Variants in SPDL1 observed in about 807,000 individuals in gnomAD.
The protein encoded by SPDL1 is protein Spindly.
A neutral mutation model predicts 79.5 loss-of-function variants in SPDL1; 85 were observed. The observed-to-expected ratio is 1.07, with a 90% CI of 0.90 to 1.28. SPDL1 has a LOEUF of 1.28. Ranked by LOEUF, SPDL1 falls within the 50% of genes most tolerant of loss-of-function variation. The pLI is 0.00. For missense variants in SPDL1, 703 were observed against 697.8 expected (o/e 1.01, Z -0.08); for synonymous variants, 269 against 240.3 (o/e 1.12, Z -1.10).
chr5:169,598,538 C>CTA lies in SPDL1; in HGVS notation c.1097_1098dup (p.Tyr367IlefsTer8). 1 of 1,612,938 alleles carries CTA rather than the reference C, an allele frequency of 6.2e-7. No individual in the cohort carries two copies. Among genetic ancestry groups the CTA allele is most frequent in the Non-Finnish European group, 8.5e-7 (1 of 1,179,162 alleles). ...ACTCTGGTACTCTGGAAGATAACAC[C>CTA]TATTATACAGATTTACTTCAGATGA... On this transcript the variant is annotated frameshift_variant, in exon 9 of 12. Coordinates refer to ENST00000265295, the MANE Select transcript of SPDL1 (RefSeq NM_017785.5). LOFTEE classifies it high-confidence loss of function.
Position 169,591,102 on chromosome 5 carries a change from A to G in SPDL1, c.214A>G (p.Met72Val), listed in dbSNP as rs1755257277. Residue 72 changes from methionine to valine, a missense_variant, in exon 3 of 12, where the codon ATG (methionine) becomes GTG (valine). Met to Val is a conservative substitution (Grantham distance 21). Transcript: ENST00000265295. ...AAGAGAAGTTGAACTCAAGAGTCGA[A>G]TGTTAGAAAGTTTGAGCTGCGAATG... ...LQREVELKSR[M>V]LESLSCECEA... 3.1e-6 allele frequency: 5 copies of G among 1,614,068 alleles called. No homozygotes were observed. The highest frequency in any genetic ancestry group is 4.2e-6 in the Non-Finnish European group (5 of 1,179,984).
intron 8 of SPDL1, among the ~76,000 whole-genome samples, chr5:169,597,232 T>TTGTGTGTGTGTGTG (rs56336716): frequency 1.7e-4 from 25 of 149,206 alleles, no homozygotes; most frequent in African/African-American, 6.2e-4. Context: ...GTGTAAGCAT[T>TTGTGTGTGTGTGTG]TGTGTGTGTG....
chr5:169,596,374 G>A (rs1004563082), intron 7 of SPDL1, among the ~76,000 whole-genome samples, 187 bp from the exon 8 acceptor site: 2 of 152,110 alleles, frequency 1.3e-5, no homozygotes, highest in East Asian at 1.9e-4. Context: ...TCATTCATAA[G>A]TAGTCAAAAT....
At chr5:169,596,796 C>A in intron 8 of SPDL1, 95 bp downstream of exon 8, 1 of 1,045,564 alleles carries the variant, frequency 9.6e-7, no homozygotes, top group Non-Finnish European at 1.4e-6. Flanking sequence ...TAATAAATAT[C>A]TTGTGGGAGA....
intron 3 of SPDL1, 89 bp downstream of exon 3, chr5:169,591,313 C>A: frequency 7.3e-7 from 1 of 1,376,808 alleles, no homozygotes; most frequent in South Asian, 1.5e-5. Flanking sequence ...TCTTAAGTGT[C>A]AGCTTTGCAA....
rs568119516 is a variant in SPDL1 at position 169,596,722 on chromosome 5, AAC to A, written c.1032+27_1032+28del. ...TTAAGGTATGTATAACAGTTAAAAA[AAC>A]ACACATCCAAATTTTGATTTGAATA... On this transcript the variant is annotated intron_variant, in intron 8 of 11. Coordinates refer to ENST00000265295, the MANE Select transcript of SPDL1 (RefSeq NM_017785.5). 4.6e-5 allele frequency: 71 copies of A among 1,541,812 alleles called. No homozygotes were observed. The East Asian group carries it at 1.5e-3, about 33-fold the overall frequency.
chr5:169,603,527 G>C (rs6895489), intron 11 of SPDL1, among the ~76,000 whole-genome samples: 98,995 of 151,914 alleles, frequency 0.65, 32,560 homozygotes, highest in East Asian at 0.73. Context: ...TTAATTTAGG[G>C]CTTGCCATGA....
rs749247279 is a variant in SPDL1 at position 169,604,446 on chromosome 5, A to G, written c.*239A>G. ...CAGTGAATAAACTATTAATTGAAGG[A>G]AAATGTTATAATTAATGTATCTATT... On this transcript the variant is annotated 3_prime_UTR_variant, in exon 12 of 12. Coordinates refer to ENST00000265295, the MANE Select transcript of SPDL1 (RefSeq NM_017785.5). 1 of 262,972 alleles carries G rather than the reference A, an allele frequency of 3.8e-6. No homozygotes were observed. The highest frequency in any genetic ancestry group is 7.1e-6 in the Non-Finnish European group (1 of 140,058). The allele number at this position is 262,972 out of a possible 1,614,324, so 16.3% of individuals were successfully genotyped here. A position where few individuals can be genotyped will look rare whatever the true frequency, so the allele number is the denominator to read the frequency against.
rs145543715 is a variant in SPDL1, at chr5:169,597,593, A to G, written c.1033-883A>G. 2.0e-4 allele frequency among the ~76,000 whole-genome samples: 30 copies of G among 152,258 alleles called. No individual in the cohort carries two copies. In the East Asian group the frequency reaches 3.3e-3, roughly 17 times the overall value. On this transcript the variant is annotated intron_variant, in intron 8 of 11. Coordinates refer to ENST00000265295, the MANE Select transcript of SPDL1 (RefSeq NM_017785.5). ...TTACAAACATCTTGTCTAGCACCAA[A>G]AAAAGCTTGTTGGCTTTCTATTAAA...
intron 8 of SPDL1, among the ~76,000 whole-genome samples, chr5:169,598,011 C>T (rs1266837400): frequency 6.6e-6 from 1 of 151,928 alleles, no homozygotes; most frequent in Non-Finnish European, 1.5e-5. Context: ...CTCAGAAGAG[C>T]TTGCACTACA....
intron 7 of SPDL1, among the ~76,000 whole-genome samples, chr5:169,595,043 G>A (rs115277665): frequency 0.01 from 1,524 of 152,162 alleles, 25 homozygotes; most frequent in African/African-American, 0.035. Flanking sequence ...GCTGAAACTC[G>A]CTGCCTCACC....
rs1755254047 is a variant in SPDL1 at position 169,591,069 on chromosome 5, A to G, written c.181A>G (p.Thr61Ala). 6.2e-7 allele frequency: 1 copy of G among 1,613,348 alleles called. No homozygotes were observed. The highest frequency in any genetic ancestry group is 1.3e-5 in the African/African-American group (1 of 74,954). Residue 61 changes from threonine (T) to alanine (A), a missense_variant, in exon 3 of 12, where the codon ACC (threonine) becomes GCC (alanine). Transcript: ENST00000265295. ...MTESYEQEKY[T>A]LQREVELKSR... ...TCAGAGTTATGAACAAGAAAAATAT[A>G]CCCTTCAAAGAGAAGTTGAACTCAA... is the stretch of plus-strand genomic sequence containing the variant.
Position 169,583,806 on chromosome 5 carries a change from C to T in SPDL1, c.-107C>T, listed in dbSNP as rs1274774248. On this transcript the variant is annotated 5_prime_UTR_variant, in exon 1 of 12. Transcript: ENST00000265295. ...GCTAGCTGAGCGAATGGGCCGGCGA[C>T]TGTGGAGTTAGCGTCCTCAATGTGG... 3.9e-5 allele frequency: 6 copies of T among 152,318 alleles called. No individual in the cohort carries two copies. The highest frequency in any genetic ancestry group is 1.4e-4 in the African/African-American group (6 of 41,476). 9.4% of individuals were successfully genotyped at this position (152,318 alleles called of 1,614,324 possible).
At chr5:169,598,425 T>C (rs1488644196) in intron 8 of SPDL1, 51 bp from the exon 9 acceptor site, 1 of 1,174,838 alleles carries the variant, frequency 8.5e-7, no homozygotes, top group African/African-American at 1.5e-5. Context: ...AAACATACAC[T>C]AACCTTATTT....
intron 3 of SPDL1, 103 bp downstream of exon 3, chr5:169,591,327 A>G: frequency 8.5e-7 from 1 of 1,176,372 alleles, no homozygotes; most frequent in Non-Finnish European, 1.2e-6. Flanking sequence ...TTTGCAAAAT[A>G]GCCAAGATCT....
chr5:169,593,205 A>G (rs1288145862), intron 3 of SPDL1, 149 bp from the exon 4 acceptor site: 4 of 644,436 alleles, frequency 6.2e-6, no homozygotes, highest in Non-Finnish European at 1.0e-5. Context: ...AAGGTGTGTC[A>G]CTAGCTGTTA....
intron 1 of SPDL1, among the ~76,000 whole-genome samples, chr5:169,585,402 A>G (rs975773089): frequency 6.6e-6 from 1 of 152,248 alleles, no homozygotes. Flanking sequence ...GTCTCACACA[A>G]TAAGAATTCC....
At chr5:169,585,568 T>C (rs1294740430) in intron 1 of SPDL1, among the ~76,000 whole-genome samples, 1 of 152,218 alleles carries the variant, frequency 6.6e-6, no homozygotes, top group Non-Finnish European at 1.5e-5. Context: ...TGAGATAATA[T>C]ATTTGAAGCA....
rs749125069 is a variant in SPDL1 at position 169,601,496 on chromosome 5, T to A, written c.1541T>A (p.Leu514His). 9.3e-6 allele frequency: 15 copies of A among 1,613,870 alleles called. No homozygotes were observed. The highest frequency in any genetic ancestry group is 1.6e-4 in the Middle Eastern group (1 of 6,084). Residue 514 changes from leucine (L) to histidine (H), a missense_variant, in exon 11 of 12, where the codon CTC (leucine) becomes CAC (histidine). Leu to His is a moderately conservative substitution (Grantham distance 99). Transcript: ENST00000265295. ...SVSIYTPVVS[L>H]SPHKNLPVDM... ...TCTATATACACACCAGTAGTCAGTC[T>A]CTCTCCTCACAAAAATCTGCCCGTG...
Sources: allele counts gnomAD v4.1 joint callset (sites outside exome capture counted in the v4.1 genomes callset), GRCh38; gene constraint gnomAD v4.1.1; transcripts MANE v1.5; gene names NCBI Gene and HGNC (gene_info 2026-07-23, HGNC 2026-07-21).